Variants in RYR3 observed in about 807,000 individuals in gnomAD.
RYR3 encodes the protein ryanodine receptor 3.
In RYR3, 207 loss-of-function variants were observed where a neutral mutation model predicts 584.3. The observed-to-expected ratio is 0.35, with a 90% CI of 0.32 to 0.40. RYR3 has a LOEUF of 0.40. Ranked by LOEUF, RYR3 falls within the 10% of genes least tolerant of loss-of-function variation. The pLI is 1.00. For missense variants in RYR3, 5,616 were observed against 6,089.2 expected, an observed-to-expected ratio of 0.92 and a Z score of 2.59; for synonymous variants, 2,416 against 2,248.5, an observed-to-expected ratio of 1.07 and a Z score of -2.11.
chr15:33,462,124 T>A (rs1332634066), intron 1 of RYR3, among the ~76,000 whole-genome samples: 10 of 152,224 alleles, frequency 6.6e-5, no homozygotes, highest in Non-Finnish European at 1.5e-4. Context: ...GTGACCTGTT[T>A]TCAAAGATTT....
chr15:33,491,488 G>C (rs968723301), intron 2 of RYR3, among the ~76,000 whole-genome samples: 3 of 152,186 alleles, frequency 2.0e-5, no homozygotes, highest in African/African-American at 7.2e-5. Flanking sequence ...CAAGGACTTT[G>C]CTTTTTGAGG....
chr15:33,747,251 T>C (rs1419260096), intron 53 of RYR3, among the ~76,000 whole-genome samples: 1 of 152,232 alleles, frequency 6.6e-6, no homozygotes, highest in Non-Finnish European at 1.5e-5. Flanking sequence ...AATTCTTATC[T>C]TGCAATCTGT....
intron 86 of RYR3, among the ~76,000 whole-genome samples, chr15:33,833,421 G>A (rs956536162): frequency 3.3e-5 from 5 of 152,150 alleles, no homozygotes; most frequent in African/African-American, 1.2e-4. Flanking sequence ...CTCATTAAAA[G>A]AAACACAAAA....
chr15:33,554,819 G>T (rs935364956), intron 10 of RYR3, among the ~76,000 whole-genome samples: 1 of 152,088 alleles, frequency 6.6e-6, no homozygotes, highest in African/African-American at 2.4e-5. Flanking sequence ...ACTCCTGCAC[G>T]GCAGTATTGT....
chr15:33,760,572 C>T (rs1020806770), intron 60 of RYR3, among the ~76,000 whole-genome samples: 1 of 152,160 alleles, frequency 6.6e-6, no homozygotes, highest in Admixed American at 6.5e-5. Flanking sequence ...AATATATGTG[C>T]ACTAAATACA....
At chr15:33,705,039 A>C (rs1409084211) in intron 42 of RYR3, among the ~76,000 whole-genome samples, 7 of 151,942 alleles carry the variant, frequency 4.6e-5, no homozygotes, top group Admixed American at 4.6e-4. Context: ...TTAGGATTGA[A>C]CAGTAGCCCT....
intron 38 of RYR3, among the ~76,000 whole-genome samples, chr15:33,688,297 G>A (rs2065161048): frequency 6.6e-6 from 1 of 152,100 alleles, no homozygotes; most frequent in South Asian, 2.1e-4. Flanking sequence ...TGGGGGGCTG[G>A]GCACGGTGGC....
At chr15:33,671,139 A>ATAAC (rs2063814574) in intron 38 of RYR3, among the ~76,000 whole-genome samples, 1 of 152,112 alleles carries the variant, frequency 6.6e-6, no homozygotes, top group Non-Finnish European at 1.5e-5. Flanking sequence ...GATGACTCCT[A>ATAAC]CCGTTTTGAC....
Position 33,498,123 on chromosome 15 carries a change from A to C in RYR3, c.172-5508A>C, listed in dbSNP as rs192109390. Among the ~76,000 whole-genome samples, 3 of 152,338 alleles carry C rather than the reference A, an allele frequency of 2.0e-5. No individual in the cohort carries two copies. The East Asian group carries it at 5.8e-4, about 29-fold the overall frequency. On this transcript the variant is annotated intron_variant, in intron 2 of 103. Transcript: ENST00000634891. ...TTTATCCATTTATTTGTTGATGAACACAGATTGATTCCATATCTTTGCTAT... is the reference window on the plus strand; with the variant it reads ...TTTATCCATTTATTTGTTGATGAACCCAGATTGATTCCATATCTTTGCTAT...
At chr15:33,671,023 T>G (rs1335892818) in intron 38 of RYR3, among the ~76,000 whole-genome samples, 1 of 152,072 alleles carries the variant, frequency 6.6e-6, no homozygotes, top group Non-Finnish European at 1.5e-5. Flanking sequence ...TGTTTTTGGA[T>G]TTGGGGTATG....
At chr15:33,548,475 G>A (rs1475504125) in intron 9 of RYR3, among the ~76,000 whole-genome samples, 1 of 152,240 alleles carries the variant, frequency 6.6e-6, no homozygotes, top group African/African-American at 2.4e-5. Context: ...GCCACTGAAA[G>A]CCATCCAAGT....
chr15:33,605,183 A>C (rs2152558548), intron 18 of RYR3, among the ~76,000 whole-genome samples: 1 of 152,344 alleles, frequency 6.6e-6, no homozygotes, highest in East Asian at 1.9e-4. Context: ...TGCATGGGGC[A>C]CTTAGTGTAT....
At chr15:33,608,431 T>G (rs947756723) in intron 18 of RYR3, among the ~76,000 whole-genome samples, 1 of 152,212 alleles carries the variant, frequency 6.6e-6, no homozygotes, top group Non-Finnish European at 1.5e-5. Flanking sequence ...GTGAGGAGAT[T>G]TATAACACAC....
chr15:33,582,813 G>A (rs1426110430), intron 14 of RYR3, among the ~76,000 whole-genome samples: 2 of 152,184 alleles, frequency 1.3e-5, no homozygotes, highest in African/African-American at 4.8e-5. Flanking sequence ...ACTGACTGAA[G>A]ATGCAAAGCT....
intron 44 of RYR3, among the ~76,000 whole-genome samples, chr15:33,723,802 G>A (rs1310578299): frequency 1.3e-5 from 2 of 152,246 alleles, no homozygotes; most frequent in African/African-American, 4.8e-5. Flanking sequence ...GTTGGTAGGA[G>A]TTATGGTCTG....
At chr15:33,496,828 T>C (rs2051471597) in intron 2 of RYR3, among the ~76,000 whole-genome samples, 1 of 152,130 alleles carries the variant, frequency 6.6e-6, no homozygotes, top group Non-Finnish European at 1.5e-5. Context: ...CTGCACAACT[T>C]TATATGCCAA....
chr15:33,603,432 C>T (rs2059767105), intron 18 of RYR3, 68 bp downstream of exon 18: 10 of 1,456,378 alleles, frequency 6.9e-6, no homozygotes, highest in Non-Finnish European at 8.3e-6. Context: ...ATTATTCAAG[C>T]TGAAATGACC....
rs576240376 is a variant in RYR3 at position 33,858,004 on chromosome 15, G to A, written c.14142+90G>A. ...CTGGGAAGAAGGGCTGTGTGGGGGT[G>A]CTCTTGAGAACTGTAGAGTTAGTTA... On this transcript the variant is annotated intron_variant, in intron 99 of 103. Coordinates refer to ENST00000634891, the MANE Select transcript of RYR3 (RefSeq NM_001036.6). The A allele has an allele frequency of 4.5e-4, 690 of 1,535,532 alleles. 4 individuals are homozygous for A. In the East Asian group the frequency reaches 4.9e-3, roughly 11 times the overall value.
At chr15:33,459,420 G>A (rs1016122577) in intron 1 of RYR3, among the ~76,000 whole-genome samples, 1 of 152,154 alleles carries the variant, frequency 6.6e-6, no homozygotes, top group Non-Finnish European at 1.5e-5. Flanking sequence ...AAATTCAGGT[G>A]GTATTAGTAA....
Sources: allele counts gnomAD v4.1 joint callset (sites outside exome capture counted in the v4.1 genomes callset), GRCh38; gene constraint gnomAD v4.1.1; transcripts MANE v1.5; gene names NCBI Gene and HGNC (gene_info 2026-07-23, HGNC 2026-07-21).